The following IQANK1 variants were observed in gnomAD, a reference collection of about 807,000 sequenced individuals.
The protein encoded by IQANK1 is IQ motif and ankyrin repeat domain-containing protein 1.
IQANK1 carries 30 observed loss-of-function variants against 22.6 expected under a neutral mutation model. The observed-to-expected ratio is 1.33, with a 90% CI of 0.99 to 1.80. The LOEUF is 1.80. Ranked by LOEUF, IQANK1 falls within the 40% of genes most tolerant of loss-of-function variation. The pLI is 0.00. For missense variants in IQANK1, 275 were observed against 235.2 expected, an observed-to-expected ratio of 1.17 and a Z score of -1.11; for synonymous variants, 122 against 99.6, an observed-to-expected ratio of 1.23 and a Z score of -1.34.
intron 7 of IQANK1, among the ~76,000 whole-genome samples, chr8:143,782,061 T>C (rs28808605): frequency 0.046 from 6,978 of 152,292 alleles, 560 homozygotes; most frequent in African/African-American, 0.16. Flanking sequence ...AGGTATTTTA[T>C]TCTTTTTGTG....
At chr8:143,755,855 C>T (rs1472929350) in intron 3 of IQANK1, among the ~76,000 whole-genome samples, 2 of 152,148 alleles carry the variant, frequency 1.3e-5, no homozygotes, top group Non-Finnish European at 2.9e-5. Flanking sequence ...GCTCAGTGTC[C>T]ATCTCTGCTG....
At chr8:143,749,537 TATG>T (rs1819143352) in intron 3 of IQANK1, among the ~76,000 whole-genome samples, 1 of 136,650 alleles carries the variant, frequency 7.3e-6, no homozygotes, top group Non-Finnish European at 1.5e-5. Flanking sequence ...CATAAAAATA[TATG>T]ATATATATGA....
chr8:143,748,372 C>A (rs1819075472), intron 3 of IQANK1, among the ~76,000 whole-genome samples: 1 of 149,836 alleles, frequency 6.7e-6, no homozygotes, highest in South Asian at 2.1e-4. Context: ...TTATCTCCAA[C>A]TATTATTGTA....
chr8:143,790,490 A>G lies in IQANK1; in HGVS notation c.1565A>G (p.Gln522Arg). 1 of 412,854 alleles carries G rather than the reference A, an allele frequency of 2.4e-6. No homozygotes were observed. Among genetic ancestry groups the G allele is most frequent in the Non-Finnish European group, 4.2e-6 (1 of 238,832 alleles). 25.6% of individuals were successfully genotyped at this position (412,854 alleles called of 1,614,324 possible). The change falls in exon 14 of 14, where the codon CAG (glutamine) becomes CGG (arginine). Residue 522 changes from glutamine to arginine, a missense_variant. Physicochemically the swap from Gln to Arg is conservative, Grantham distance 43 (BLOSUM62 1). Transcript: ENST00000527139. ...CCTGAGTATAGCCCCACGCAGTTCC[A>G]GGAGCAGCGGCTGGAGCACTTCCGC... The part of the protein sequence containing the change: ...DGPEYSPTQF[Q>R]EQRLEHFRLF...
chr8:143,742,145 C>T (rs1587472155), intron 3 of IQANK1: 1 of 352,016 alleles, frequency 2.8e-6, no homozygotes. Context: ...ACAGAGCCAC[C>T]CCCAAGCCTT....
intron 3 of IQANK1, among the ~76,000 whole-genome samples, chr8:143,761,808 G>GTTT (rs11418981): frequency 3.6e-4 from 53 of 146,230 alleles, no homozygotes; most frequent in South Asian, 2.4e-3. Flanking sequence ...AAATTTCAGT[G>GTTT]TTTTTTTTTT....
chr8:143,753,458 CTTT>C (rs1343991267), intron 3 of IQANK1, among the ~76,000 whole-genome samples: 6 of 130,386 alleles, frequency 4.6e-5, no homozygotes, highest in Admixed American at 7.7e-5. Context: ...GGGAAAGTTT[CTTT>C]TTTTTTTTTT....
intron 1 of IQANK1, among the ~76,000 whole-genome samples, chr8:143,734,458 TG>T (rs1489961160): frequency 2.1e-5 from 3 of 142,114 alleles, no homozygotes; most frequent in African/African-American, 8.0e-5. Context: ...TGCCCACACT[TG>T]TAGGGGACTC....
intron 3 of IQANK1, chr8:143,742,925 A>G (rs1475992527): frequency 1.1e-5 from 5 of 455,956 alleles, no homozygotes; most frequent in Non-Finnish European, 2.2e-5. Context: ...GCCAGAATCT[A>G]TCTTTTGCCC....
chr8:143,760,521 A>AAG (rs1196210824), intron 3 of IQANK1: 1 of 150,974 alleles, frequency 6.6e-6, no homozygotes, highest in East Asian at 2.0e-4. Flanking sequence ...ACAAAAAAAA[A>AAG]AAAAAAAATT....
intron 8 of IQANK1, 47 bp downstream of exon 8, chr8:143,789,110 G>C: frequency 7.5e-6 from 3 of 401,786 alleles, no homozygotes; most frequent in Admixed American, 4.4e-5. Flanking sequence ...GGCAAGGGGC[G>C]CTGGCAGGGA....
intron 3 of IQANK1, among the ~76,000 whole-genome samples, chr8:143,751,664 G>GTGTATATATATATATA (rs370428606): frequency 2.8e-4 from 17 of 61,544 alleles, no homozygotes; most frequent in East Asian, 7.5e-4. Flanking sequence ...GTGTGTGTGT[G>GTGTATATATATATATA]TATATATATA....
chr8:143,757,360 G>A (rs1266425765), intron 3 of IQANK1, among the ~76,000 whole-genome samples: 5 of 149,262 alleles, frequency 3.3e-5, no homozygotes, highest in African/African-American at 1.2e-4. Context: ...TTTTTGAGAC[G>A]GAGTCTCACT....
rs1329532105 is a variant in IQANK1, at chr8:143,774,261, A to G, written c.789+1779A>G. ...TTTGTAAAAGACCTGTCAAGAAGAAAAGAAGCCACAGGCAGGAGCAAACGT... is the reference window on the plus strand; with the variant it reads ...TTTGTAAAAGACCTGTCAAGAAGAAGAGAAGCCACAGGCAGGAGCAAACGT... On this transcript the variant is annotated intron_variant, in intron 7 of 13. Transcript: ENST00000527139. This position sits in a 1 kb window ranked among gnomAD's most constrained non-coding sequence, Gnocchi z 4.2. Among the ~76,000 whole-genome samples, 2 of 152,210 alleles carry G rather than the reference A, an allele frequency of 1.3e-5. No homozygotes were observed. The highest frequency in any genetic ancestry group is 2.9e-5 in the Non-Finnish European group (2 of 68,046).
rs1820012323 is a variant in IQANK1, at chr8:143,790,407, G to A, written c.1482G>A (p.Gln494=). 1.2e-6 allele frequency: 1 copy of A among 803,986 alleles called. No homozygotes were observed. The highest frequency in any genetic ancestry group is 1.7e-6 in the Non-Finnish European group (1 of 597,856). 49.8% of individuals were successfully genotyped at this position (803,986 alleles called of 1,614,324 possible). A position where few individuals can be genotyped will look rare whatever the true frequency, so the allele number is the denominator to read the frequency against. Residue 494 remains glutamine, a synonymous_variant, in exon 14 of 14, where the codon CAG becomes CAA. Coordinates refer to ENST00000527139, the MANE Select transcript of IQANK1 (RefSeq NM_001381874.1). ...AGGAAGACCTGTTCCCAGTCGTGCA[G>A]CGGCAGCTGGAGGCGGTGCAGGAGA... The part of the protein sequence containing the change: ...LREEDLFPVV[Q]RQLEAVQERY...
intron 7 of IQANK1, among the ~76,000 whole-genome samples, chr8:143,786,329 C>T (rs1819888595): frequency 6.6e-6 from 1 of 152,206 alleles, no homozygotes; most frequent in African/African-American, 2.4e-5. Context: ...TGAAGTCAAC[C>T]TCACTCGGAG....
At chr8:143,780,207 G>A (rs548381784) in intron 7 of IQANK1, among the ~76,000 whole-genome samples, 1 of 152,074 alleles carries the variant, frequency 6.6e-6, no homozygotes, top group South Asian at 2.1e-4. Flanking sequence ...CCTGAAATAT[G>A]TATAAAGTTC....
chr8:143,772,036 G>C lies in IQANK1; in HGVS notation c.472-16G>C. On this transcript the variant is annotated splice_polypyrimidine_tract_variant and intron_variant, in intron 5 of 13. Coordinates refer to ENST00000527139, the MANE Select transcript of IQANK1 (RefSeq NM_001381874.1). Reference sequence around the variant, plus strand: ...GTGGGAGGAGCGGGGAGCGGTGACCGCGGCGAGCTGCGCAGGTGGAGCAGC... The same window carrying C: ...GTGGGAGGAGCGGGGAGCGGTGACCCCGGCGAGCTGCGCAGGTGGAGCAGC... 2.5e-6 allele frequency: 1 copy of C among 396,118 alleles called. No homozygotes were observed. The highest frequency in any genetic ancestry group is 4.5e-6 in the Non-Finnish European group (1 of 224,558). 24.5% of individuals were successfully genotyped at this position (396,118 alleles called of 1,614,324 possible). A position where few individuals can be genotyped will look rare whatever the true frequency, so the allele number is the denominator to read the frequency against.
At position 143,735,504 on chromosome 8, in the gene IQANK1, C is replaced by T. The variant is rs998391129; in HGVS notation, c.-4-346C>T. Reference sequence around the variant, plus strand: ...CTCATGATTACGGTGAGAACAAAGACCGGCCCACTGGCAACCCAGCAGCTT... The same window carrying T: ...CTCATGATTACGGTGAGAACAAAGATCGGCCCACTGGCAACCCAGCAGCTT... On this transcript the variant is annotated intron_variant, in intron 1 of 13. Transcript: ENST00000527139. The surrounding 1 kb of genome is among the most constrained non-coding windows in gnomAD (Gnocchi z 5.2). 3.3e-5 allele frequency among the ~76,000 whole-genome samples: 5 copies of T among 152,112 alleles called. No homozygotes were observed. The highest frequency in any genetic ancestry group is 9.7e-5 in the African/African-American group (4 of 41,418).
Sources: allele counts gnomAD v4.1 joint callset (sites outside exome capture counted in the v4.1 genomes callset), GRCh38; gene constraint gnomAD v4.1.1; non-coding constraint Gnocchi (gnomAD v3.1); transcripts MANE v1.5; gene names NCBI Gene and HGNC (gene_info 2026-07-23, HGNC 2026-07-21).